The following KCNQ1OT1 variants were observed in gnomAD, a reference collection of about 807,000 sequenced individuals.
KCNQ1OT1 encodes KCNQ1 antisense RNA 2 (non-protein coding).
exon 1 of KCNQ1OT1, chr11:2,699,039 G>A: frequency 2.5e-6 from 1 of 398,534 alleles, no homozygotes; most frequent in Admixed American, 4.4e-5. Flanking sequence ...TTCCGACTCC[G>A]GTCCCAATTC....
rs1288747620 is a variant in KCNQ1OT1, at chr11:2,682,671, T to C, written n.17324A>G. The C allele has an allele frequency of 5.0e-6, 2 of 398,516 alleles. No homozygotes were observed. The highest frequency in any genetic ancestry group is 8.8e-6 in the Non-Finnish European group (2 of 226,084). The allele number at this position is 398,516 out of a possible 1,614,324, so 24.7% of individuals were successfully genotyped here. On this transcript the variant is annotated non_coding_transcript_exon_variant, in exon 1 of 1. Transcript: ENST00000597346. This position sits in a 1 kb window ranked among gnomAD's most constrained non-coding sequence, Gnocchi z 5.8. ...CCCAGGGCTCATGTCCACATGCTAT[T>C]GTCCATAGAAGCTGGGGTCCAAAGT... is the stretch of plus-strand genomic sequence containing the variant.
chr11:2,649,617 T>A (rs957780959), exon 1 of KCNQ1OT1: 3 of 398,620 alleles, frequency 7.5e-6, no homozygotes, highest in Non-Finnish European at 1.3e-5. Context: ...GCAGCACTTT[T>A]AATATGGCAT....
Position 2,683,332 on chromosome 11 carries a change from C to T in KCNQ1OT1, n.16663G>A, listed in dbSNP as rs1236925007. 2.5e-6 allele frequency: 1 copy of T among 398,432 alleles called. No individual in the cohort carries two copies. The highest frequency in any genetic ancestry group is 4.4e-6 in the Non-Finnish European group (1 of 226,064). 24.7% of individuals were successfully genotyped at this position (398,432 alleles called of 1,614,324 possible). ...ACATAGAGGCCAGGTTTCCCCCGCT[C>T]AACACTAGGCCACTGTGCCTGCCAC... On this transcript the variant is annotated non_coding_transcript_exon_variant, in exon 1 of 1. Coordinates refer to ENST00000597346, the Ensembl canonical transcript of KCNQ1OT1. This position sits in a 1 kb window ranked among gnomAD's most constrained non-coding sequence, Gnocchi z 4.7.
Position 2,652,673 on chromosome 11 carries a change from TTA to T in KCNQ1OT1, n.47320_47321del, listed in dbSNP as rs1849775018. ...GCATGGAGACCCGGGTGGGTCGATT[TTA>T]GTTGTGTGGGTGGCTGTGTTGCTCT... On this transcript the variant is annotated non_coding_transcript_exon_variant, in exon 1 of 1. Transcript: ENST00000597346. This position sits in a 1 kb window ranked among gnomAD's most constrained non-coding sequence, Gnocchi z 5.9. 2.5e-6 allele frequency: 1 copy of T among 398,706 alleles called. No individual in the cohort carries two copies. Among genetic ancestry groups the T allele is most frequent in the Non-Finnish European group, 4.4e-6 (1 of 226,210 alleles). 24.7% of individuals were successfully genotyped at this position (398,706 alleles called of 1,614,324 possible).
chr11:2,644,034 C>G (rs1849624641), exon 1 of KCNQ1OT1: 1 of 398,478 alleles, frequency 2.5e-6, no homozygotes, highest in Admixed American at 4.4e-5. Flanking sequence ...ATGATTCTCT[C>G]TTTGTCTTGG....
rs936161071 is a variant in KCNQ1OT1, at chr11:2,671,126, G to C, written n.28869C>G. On this transcript the variant is annotated non_coding_transcript_exon_variant, in exon 1 of 1. Coordinates refer to ENST00000597346, the Ensembl canonical transcript of KCNQ1OT1. This position sits in a 1 kb window ranked among gnomAD's most constrained non-coding sequence, Gnocchi z 4.7. ...TCTGAGCAGTTAGTCTGTCAGGCCTGGTTGGTCCCATGGGAGGCCTGAGGT... is the reference window on the plus strand; with the variant it reads ...TCTGAGCAGTTAGTCTGTCAGGCCTCGTTGGTCCCATGGGAGGCCTGAGGT... The C allele has an allele frequency of 7.5e-6, 3 of 398,650 alleles. No homozygotes were observed. The highest frequency in any genetic ancestry group is 1.3e-5 in the Non-Finnish European group (3 of 226,108). 24.7% of individuals were successfully genotyped at this position (398,650 alleles called of 1,614,324 possible).
chr11:2,687,607 A>G lies in KCNQ1OT1; in HGVS notation n.12388T>C, dbSNP rs1850512876. ...GTGTGACTGAGAAAGGAAGGGGCAG[A>G]GATCCCTTCTCCATTCCTCTCAGGC... On this transcript the variant is annotated non_coding_transcript_exon_variant, in exon 1 of 1. Coordinates refer to ENST00000597346, the Ensembl canonical transcript of KCNQ1OT1. The surrounding 1 kb of genome is among the most constrained non-coding windows in gnomAD (Gnocchi z 5.0). 1 of 398,638 alleles carries G rather than the reference A, an allele frequency of 2.5e-6. No homozygotes were observed. Among genetic ancestry groups the G allele is most frequent in the Admixed American group, 4.4e-5 (1 of 22,716 alleles). 24.7% of individuals were successfully genotyped at this position (398,638 alleles called of 1,614,324 possible).
In KCNQ1OT1 at chr11:2,659,215, A is replaced by C; in HGVS notation, n.40780T>G. On this transcript the variant is annotated non_coding_transcript_exon_variant, in exon 1 of 1. Transcript: ENST00000597346. This position sits in a 1 kb window ranked among gnomAD's most constrained non-coding sequence, Gnocchi z 4.3. ...TCCACAATCCAGTATCATTCACAGA[A>C]GTTCCATACCCCTAAAAATACCCTG... is the stretch of plus-strand genomic sequence containing the variant. 2.5e-6 allele frequency: 1 copy of C among 398,652 alleles called. No individual in the cohort carries two copies. The highest frequency in any genetic ancestry group is 4.4e-6 in the Non-Finnish European group (1 of 226,066). The allele number at this position is 398,652 out of a possible 1,614,324, so 24.7% of individuals were successfully genotyped here.
At chr11:2,616,192 G>T (rs560473044) in exon 1 of KCNQ1OT1, 2 of 395,234 alleles carry the variant, frequency 5.1e-6, no homozygotes, top group Non-Finnish European at 8.9e-6. Flanking sequence ...CAGTTATATC[G>T]TTCCCACTTT....
Position 2,613,588 on chromosome 11 carries a change from T to C in KCNQ1OT1, n.86407A>G. On this transcript the variant is annotated non_coding_transcript_exon_variant, in exon 1 of 1. Transcript: ENST00000597346. The surrounding 1 kb of genome is among the most constrained non-coding windows in gnomAD (Gnocchi z 4.8). ...TTAATATTTTTTCTTTAATTAGCAC[T>C]TTTCAATTTTATATTTCTTTGTCCA... 7.5e-6 allele frequency: 3 copies of C among 398,592 alleles called. No individual in the cohort carries two copies. The East Asian group carries it at 1.1e-4, about 14-fold the overall frequency. 24.7% of individuals were successfully genotyped at this position (398,592 alleles called of 1,614,324 possible).
chr11:2,609,267 A>G (rs771214727), exon 1 of KCNQ1OT1: 30 of 398,150 alleles, frequency 7.5e-5, no homozygotes, highest in Middle Eastern at 1.2e-3. Context: ...TCCCTTGTGA[A>G]TTCTTTCACC....
At chr11:2,639,252 G>T (rs1420156443) in exon 1 of KCNQ1OT1, 1 of 152,178 alleles carries the variant, frequency 6.6e-6, no homozygotes, top group African/African-American at 2.4e-5. Flanking sequence ...TTCCATTGCT[G>T]GCGAGTGGCT....
chr11:2,677,278 T>A lies in KCNQ1OT1; in HGVS notation n.22717A>T, dbSNP rs528096739. Reference sequence around the variant, plus strand: ...GGAACTTATAAAGAGGAACTGTAAATCTTGTCAAAATAGGAGATTTCATCA... The same window carrying A: ...GGAACTTATAAAGAGGAACTGTAAAACTTGTCAAAATAGGAGATTTCATCA... On this transcript the variant is annotated non_coding_transcript_exon_variant, in exon 1 of 1. Transcript: ENST00000597346. This position sits in a 1 kb window ranked among gnomAD's most constrained non-coding sequence, Gnocchi z 4.5. 7.8e-5 allele frequency: 31 copies of A among 398,558 alleles called. 2 individuals carry two copies. In the South Asian group the frequency reaches 3.6e-3, roughly 46 times the overall value. 24.7% of individuals were successfully genotyped at this position (398,558 alleles called of 1,614,324 possible). A position where few individuals can be genotyped will look rare whatever the true frequency, so the allele number is the denominator to read the frequency against.
rs1849144486 is a variant in KCNQ1OT1 at position 2,620,213 on chromosome 11, T to TTTTTA, written n.79781_79782insTAAAA. 4.0e-5 allele frequency: 10 copies of TTTTTA among 247,240 alleles called. No homozygotes were observed. Among genetic ancestry groups the TTTTTA allele is most frequent in the African/African-American group, 3.0e-4 (10 of 33,760 alleles). The allele number at this position is 247,240 out of a possible 1,614,324, so 15.3% of individuals were successfully genotyped here. A position where few individuals can be genotyped will look rare whatever the true frequency, so the allele number is the denominator to read the frequency against. On this transcript the variant is annotated non_coding_transcript_exon_variant, in exon 1 of 1. Coordinates refer to ENST00000597346, the Ensembl canonical transcript of KCNQ1OT1. The surrounding 1 kb of genome is among the most constrained non-coding windows in gnomAD (Gnocchi z 4.5). ...AGTTCATTCATGTATATATATATAT[T>TTTTTA]TTTTTTTTTTATTTTTTTTTTAGAC...
chr11:2,691,958 T>G lies in KCNQ1OT1; in HGVS notation n.8037A>C. On this transcript the variant is annotated non_coding_transcript_exon_variant, in exon 1 of 1. Transcript: ENST00000597346. This position sits in a 1 kb window ranked among gnomAD's most constrained non-coding sequence, Gnocchi z 6.4. Reference sequence around the variant, plus strand: ...TTCTGGCATGGCCACTAAATGCCAGTGCCTTTCTCTATGCAAACCATTTCC... The same window carrying G: ...TTCTGGCATGGCCACTAAATGCCAGGGCCTTTCTCTATGCAAACCATTTCC... 2.5e-6 allele frequency: 1 copy of G among 398,638 alleles called. No homozygotes were observed. The highest frequency in any genetic ancestry group is 3.6e-5 in the East Asian group (1 of 28,074). 24.7% of individuals were successfully genotyped at this position (398,638 alleles called of 1,614,324 possible). A position where few individuals can be genotyped will look rare whatever the true frequency, so the allele number is the denominator to read the frequency against.
At chr11:2,693,434 C>A (rs1850621619) in exon 1 of KCNQ1OT1, 1 of 398,584 alleles carries the variant, frequency 2.5e-6, no homozygotes, top group Non-Finnish European at 4.4e-6. Flanking sequence ...TTGCCAGGCG[C>A]TGGCCCCCCA....
rs34219164 is a variant in KCNQ1OT1, at chr11:2,674,832, TA to T, written n.25162del. 37,278 of 298,882 alleles carry T rather than the reference TA, an allele frequency of 0.12. 4 individuals are homozygous for T. Among genetic ancestry groups the T allele is most frequent in the Middle Eastern group, 0.16 (199 of 1,260 alleles). 18.5% of individuals were successfully genotyped at this position (298,882 alleles called of 1,614,324 possible). A position where few individuals can be genotyped will look rare whatever the true frequency, so the allele number is the denominator to read the frequency against. On this transcript the variant is annotated non_coding_transcript_exon_variant, in exon 1 of 1. Transcript: ENST00000597346. This position sits in a 1 kb window ranked among gnomAD's most constrained non-coding sequence, Gnocchi z 5.9. ...GCTTGTCACCCTAATAGCTGTTTTT[TA>T]AAAAAAAAAAAAAAAAAAAAAAAAA...
rs1335546985 is a variant in KCNQ1OT1 at position 2,668,038 on chromosome 11, T to TGCCCACA, written n.31950_31956dup. 1 of 398,646 alleles carries TGCCCACA rather than the reference T, an allele frequency of 2.5e-6. No individual in the cohort carries two copies. The highest frequency in any genetic ancestry group is 4.4e-6 in the Non-Finnish European group (1 of 226,072). 24.7% of individuals were successfully genotyped at this position (398,646 alleles called of 1,614,324 possible). A position where few individuals can be genotyped will look rare whatever the true frequency, so the allele number is the denominator to read the frequency against. ...AACTGCTAGCAGCAAGGACCAGCTTTGCCCACATTTGAACTTTATGCGGTG... is the reference window on the plus strand; with the variant it reads ...AACTGCTAGCAGCAAGGACCAGCTTTGCCCACAGCCCACATTTGAACTTTATGCGGTG... On this transcript the variant is annotated non_coding_transcript_exon_variant, in exon 1 of 1. Coordinates refer to ENST00000597346, the Ensembl canonical transcript of KCNQ1OT1. This position sits in a 1 kb window ranked among gnomAD's most constrained non-coding sequence, Gnocchi z 4.3.
At position 2,632,504 on chromosome 11, in the gene KCNQ1OT1, A is replaced by G. The variant is rs1212678303; in HGVS notation, n.67491T>C. On this transcript the variant is annotated non_coding_transcript_exon_variant, in exon 1 of 1. Coordinates refer to ENST00000597346, the Ensembl canonical transcript of KCNQ1OT1. ...GATGCTCCTTGTGGGTTTTTCTTCT[A>G]GGAGTCTTTTTCTTTGTCCTTTTAT... The G allele has an allele frequency of 2.5e-5, 10 of 398,256 alleles. No individual in the cohort carries two copies. The East Asian group carries it at 3.2e-4, about 13-fold the overall frequency. 24.7% of individuals were successfully genotyped at this position (398,256 alleles called of 1,614,324 possible).
Sources: gnomAD v4.1 joint callset for allele counts on GRCh38, gnomAD v4.1.1 for gene constraint, Gnocchi (gnomAD v3.1) non-coding constraint, MANE v1.5 for transcripts, NCBI Gene and HGNC (gene_info 2026-07-23, HGNC 2026-07-21) for gene names.